The following ZNF2 variants were observed in gnomAD, a reference collection of about 807,000 sequenced individuals.
ZNF2 encodes the protein zinc finger protein 2, also known as zinc finger protein 2.2.
ZNF2 carries 12 observed loss-of-function variants against 21.9 expected under a neutral mutation model. The observed-to-expected ratio is 0.55, with a 90% CI of 0.35 to 0.89. The LOEUF (loss-of-function observed/expected upper bound fraction) is 0.89. Ranked by LOEUF, ZNF2 falls within the 40% of genes least tolerant of loss-of-function variation. The pLI is 0.01. For missense variants in ZNF2, 462 were observed against 544.2 expected (o/e 0.85, Z 1.50); for synonymous variants, 186 against 196.3 (o/e 0.95, Z 0.44).
chr2:95,178,737 G>A (rs1185883822), intron 3 of ZNF2, among the ~76,000 whole-genome samples: 2 of 152,184 alleles, frequency 1.3e-5, no homozygotes, highest in African/African-American at 2.4e-5. Context: ...AATAGGACTA[G>A]TAGTCCATGG....
At chr2:95,168,734 AGGTGG>A (rs1674171057) in intron 1 of ZNF2, among the ~76,000 whole-genome samples, 1 of 152,234 alleles carries the variant, frequency 6.6e-6, no homozygotes, top group Admixed American at 6.5e-5. Flanking sequence ...GCTGTGAGTT[AGGTGG>A]TAAACAACTG....
intron 4 of ZNF2, among the ~76,000 whole-genome samples, chr2:95,180,665 C>T (rs1169699489): frequency 1.3e-5 from 2 of 152,152 alleles, no homozygotes; most frequent in Admixed American, 6.5e-5. Context: ...CACCCGCTAC[C>T]ACGCCTGGAT....
intron 3 of ZNF2, among the ~76,000 whole-genome samples, chr2:95,177,885 G>A (rs1028503260): frequency 3.9e-5 from 6 of 152,168 alleles, no homozygotes; most frequent in East Asian, 1.9e-4. Context: ...GAGGGCCAGC[G>A]AGGGCTGAGG....
chr2:95,182,003 C>T lies in ZNF2; in HGVS notation c.1175C>T (p.Thr392Met), dbSNP rs745767414. The change falls in exon 5 of 5, where the codon ACG becomes ATG. Residue 392 changes from threonine (T) to methionine (M), a missense_variant. Transcript: ENST00000614034. ...CTCACGCGGCATCAGCGTGTCCACACGGGAGAGAAGCCCTTTGAATGCACT... is the reference window on the plus strand; with the variant it reads ...CTCACGCGGCATCAGCGTGTCCACATGGGAGAGAAGCCCTTTGAATGCACT... ...CRLTRHQRVHTGEKPFECTVC... is the reference protein window; with the variant it reads ...CRLTRHQRVHMGEKPFECTVC... 17 of 1,614,168 alleles carry T rather than the reference C, an allele frequency of 1.1e-5. No homozygotes were observed. Among genetic ancestry groups the T allele is most frequent in the Admixed American group, 1.7e-5 (1 of 60,018 alleles).
At chr2:95,169,741 C>A (rs1674210740) in intron 1 of ZNF2, among the ~76,000 whole-genome samples, 1 of 152,036 alleles carries the variant, frequency 6.6e-6, no homozygotes, top group African/African-American at 2.4e-5. Context: ...CAGAGCGAGA[C>A]CCTGTCTCAA....
chr2:95,182,131 A>G lies in ZNF2; in HGVS notation c.*25A>G. The stretch of plus-strand genomic sequence containing the variant: ...AGTTGGGCAAAAGCTTGGGTAGGAC[A>G]AGAACTTCCATACAAATTTGAGATA... On this transcript the variant is annotated 3_prime_UTR_variant, in exon 5 of 5. Coordinates refer to ENST00000614034, the MANE Select transcript of ZNF2 (RefSeq NM_021088.4). The G allele has an allele frequency of 1.3e-6, 2 of 1,564,758 alleles. No individual in the cohort carries two copies. The highest frequency in any genetic ancestry group is 1.2e-5 in the South Asian group (1 of 82,912).
Position 95,181,739 on chromosome 2 carries a change from A to G in ZNF2, c.911A>G (p.Gln304Arg). 1.2e-6 allele frequency: 2 copies of G among 1,614,250 alleles called. No homozygotes were observed. Among genetic ancestry groups the G allele is most frequent in the Non-Finnish European group, 1.7e-6 (2 of 1,180,046 alleles). The change falls in exon 5 of 5, where the codon CAG becomes CGG. Residue 304 changes from glutamine to arginine, a missense_variant. Physicochemically the swap from Gln to Arg is conservative, Grantham distance 43. Coordinates refer to ENST00000614034, the MANE Select transcript of ZNF2 (RefSeq NM_021088.4). The part of the protein sequence containing the change: ...FSQKSILTRH[Q>R]LIHTGRKPYE... ...CAGAAAAGTATTCTTACTCGCCATC[A>G]GCTAATCCACACTGGCAGGAAGCCT... is the stretch of plus-strand genomic sequence containing the variant.
chr2:95,176,919 TAAAAAA>T (rs11312026), intron 2 of ZNF2, among the ~76,000 whole-genome samples: 1 of 150,950 alleles, frequency 6.6e-6, no homozygotes, highest in Non-Finnish European at 1.5e-5. Flanking sequence ...TAAGGATTTG[TAAAAAA>T]AAAAAGACAA....
At chr2:95,179,839 C>A (rs555990474) in intron 3 of ZNF2, among the ~76,000 whole-genome samples, 1 of 152,200 alleles carries the variant, frequency 6.6e-6, no homozygotes. Flanking sequence ...GGTGGATCAC[C>A]TGAGGTCAGG....
chr2:95,168,124 GA>G (rs879786532), intron 1 of ZNF2, among the ~76,000 whole-genome samples: 197 of 136,262 alleles, frequency 1.4e-3, no homozygotes, highest in Middle Eastern at 3.9e-3. Context: ...AATGCTGGAA[GA>G]AAAAAAAAAA....
rs1396591033 is a variant in ZNF2, at chr2:95,176,230, G to A, written c.4G>A (p.Ala2Thr). The A allele has an allele frequency of 5.0e-6, 8 of 1,613,998 alleles. No individual in the cohort carries two copies. The Admixed American group carries it at 8.3e-5, about 17-fold the overall frequency. Residue 2 changes from alanine to threonine, a missense_variant, in exon 2 of 5, where the codon GCT becomes ACT. Physicochemically the swap from Ala to Thr is moderately conservative, Grantham distance 58. Coordinates refer to ENST00000614034, the MANE Select transcript of ZNF2 (RefSeq NM_021088.4). MAAVSPTTRCQE... is the reference protein window; with the variant it reads MTAVSPTTRCQE... ...CAAGGAGAGCACACAGGAGAGAATGGCTGCTGTGTCTCCGACCACCAGATG... is the reference window on the plus strand; with the variant it reads ...CAAGGAGAGCACACAGGAGAGAATGACTGCTGTGTCTCCGACCACCAGATG...
intron 1 of ZNF2, among the ~76,000 whole-genome samples, chr2:95,168,532 G>A (rs1674164113): frequency 6.6e-6 from 1 of 152,154 alleles, no homozygotes; most frequent in Non-Finnish European, 1.5e-5. Context: ...AAGTCCTGGA[G>A]ACAGACATTT....
rs772334953 is a variant in ZNF2 at position 95,182,023 on chromosome 2, T to C, written c.1195T>C (p.Cys399Arg). Residue 399 changes from cysteine (C) to arginine (R), a missense_variant, in exon 5 of 5, where the codon TGC (cysteine) becomes CGC (arginine). By Grantham distance (180) the Cys-to-Arg change is radical. Coordinates refer to ENST00000614034, the MANE Select transcript of ZNF2 (RefSeq NM_021088.4). ...CCACACGGGAGAGAAGCCCTTTGAA[T>C]GCACTGTGTGTGGGAAAGTTTTCAG... ...RVHTGEKPFE[C>R]TVCGKVFSSK... The C allele has an allele frequency of 1.2e-6, 2 of 1,614,232 alleles. No homozygotes were observed. The highest frequency in any genetic ancestry group is 3.3e-5 in the Admixed American group (2 of 60,030).
intron 3 of ZNF2, among the ~76,000 whole-genome samples, 195 bp from the exon 4 acceptor site, chr2:95,179,964 G>A (rs987608628): frequency 2.6e-5 from 4 of 152,194 alleles, no homozygotes; most frequent in Non-Finnish European, 4.4e-5. Context: ...GGCTGAGGCA[G>A]GAGAATCACT....
chr2:95,178,518 C>T (rs953115198), intron 3 of ZNF2, among the ~76,000 whole-genome samples: 2 of 152,132 alleles, frequency 1.3e-5, no homozygotes, highest in African/African-American at 2.4e-5. Flanking sequence ...CAGAGAGCCA[C>T]AGGGAGATGC....
In ZNF2 at chr2:95,181,297, C is replaced by G; in HGVS notation, c.469C>G (p.Arg157Gly). ...KKSLSRDKGL[R>G]RRSALSREIL... ...ATCCCTCTCCCGGGACAAAGGCTTG[C>G]GGCGACGGTCAGCCCTGTCCAGGGA... Residue 157 changes from arginine (R) to glycine (G), a missense_variant, in exon 5 of 5, where the codon CGG (arginine) becomes GGG (glycine). By Grantham distance (125) the Arg-to-Gly change is moderately radical. Coordinates refer to ENST00000614034, the MANE Select transcript of ZNF2 (RefSeq NM_021088.4). 1 of 1,614,168 alleles carries G rather than the reference C, an allele frequency of 6.2e-7. No homozygotes were observed. The highest frequency in any genetic ancestry group is 8.5e-7 in the Non-Finnish European group (1 of 1,180,018).
rs1275261805 is a variant in ZNF2 at position 95,182,074 on chromosome 2, C to T, written c.1246C>T (p.Gln416Ter). ...TTCAAAATCTTCTGTTATTCAACATCAACGGCGTTACGCCAAACAGGGAAT... is the reference window on the plus strand; with the variant it reads ...TTCAAAATCTTCTGTTATTCAACATTAACGGCGTTACGCCAAACAGGGAAT... ...FSSKSSVIQH[Q>*]RRYAKQGID The change falls in exon 5 of 5, where the codon CAA becomes TAA. Residue 416 changes from glutamine (Q) to a stop codon, truncating the protein, a stop_gained. Transcript: ENST00000614034. LOFTEE classifies it high-confidence loss of function. 6.2e-7 allele frequency: 1 copy of T among 1,610,648 alleles called. No homozygotes were observed. Among genetic ancestry groups the T allele is most frequent in the Non-Finnish European group, 8.5e-7 (1 of 1,177,434 alleles).
At position 95,182,065 on chromosome 2, in the gene ZNF2, A is replaced by G. The variant is rs765529805; in HGVS notation, c.1237A>G (p.Ile413Val). The change falls in exon 5 of 5, where the codon ATT becomes GTT. Residue 413 changes from isoleucine to valine, a missense_variant. Physicochemically the swap from Ile to Val is conservative, Grantham distance 29. Coordinates refer to ENST00000614034, the MANE Select transcript of ZNF2 (RefSeq NM_021088.4). ...AGTTTTCAGTTCAAAATCTTCTGTT[A>G]TTCAACATCAACGGCGTTACGCCAA... Reference protein sequence around the residue: ...GKVFSSKSSVIQHQRRYAKQG... With the variant: ...GKVFSSKSSVVQHQRRYAKQG... 6.2e-7 allele frequency: 1 copy of G among 1,612,020 alleles called. No individual in the cohort carries two copies. The highest frequency in any genetic ancestry group is 1.1e-5 in the South Asian group (1 of 90,992).
intron 2 of ZNF2, 138 bp downstream of exon 2, chr2:95,176,397 T>A: frequency 9.5e-7 from 1 of 1,051,542 alleles, no homozygotes. Flanking sequence ...TTCTTTCCTA[T>A]TTGACTTGAG....
Sources: gnomAD v4.1 joint callset for allele counts (sites outside exome capture counted in the v4.1 genomes callset) on GRCh38, gnomAD v4.1.1 for gene constraint, MANE v1.5 for transcripts, NCBI Gene and HGNC (gene_info 2026-07-23, HGNC 2026-07-21) for gene names.